Variants in LOC400499 observed in about 807,000 individuals in gnomAD.
At chr16:11,392,876 C>T in the LOC400499 span, 3 of 874,488 alleles carry the variant, frequency 3.4e-6, no homozygotes, top group African/African-American at 5.4e-5. Context: ...CTTTTTGAGA[C>T]AGAGTCTCGC....
chr16:11,433,190 C>G, the LOC400499 span, among the ~76,000 whole-genome samples: 1 of 152,206 alleles, frequency 6.6e-6, no homozygotes. Context: ...CCCATCTGGC[C>G]TTTTACTGAG....
At chr16:11,507,942 A>T in the LOC400499 span, among the ~76,000 whole-genome samples, 1 of 152,166 alleles carries the variant, frequency 6.6e-6, no homozygotes, top group African/African-American at 2.4e-5. Flanking sequence ...TAAAAAAAAA[A>T]TTGTAGAACA....
At chr16:11,476,655 C>T in the LOC400499 span, 1 of 341,184 alleles carries the variant, frequency 2.9e-6, no homozygotes, top group Non-Finnish European at 4.8e-6. Context: ...TGTGCACACG[C>T]AGACGTGATC....
chr16:11,446,468 G>T, the LOC400499 span: 1 of 1,313,196 alleles, frequency 7.6e-7, no homozygotes, highest in Non-Finnish European at 1.1e-6. Flanking sequence ...CAGATAACAT[G>T]TTTTCAATCC....
chr16:11,508,414 C>T, the LOC400499 span, among the ~76,000 whole-genome samples: 22 of 152,320 alleles, frequency 1.4e-4, no homozygotes, highest in East Asian at 3.9e-3. Flanking sequence ...GTTGCTAGGC[C>T]TGGGAGATTA....
chr16:11,472,429 G>A, the LOC400499 span: 14 of 152,092 alleles, frequency 9.2e-5, no homozygotes, highest in Non-Finnish European at 2.1e-4. Context: ...CTGACCTCAG[G>A]TGATCTGCCT....
At chr16:11,423,275 G>A in the LOC400499 span, 1 of 399,164 alleles carries the variant, frequency 2.5e-6, no homozygotes, top group East Asian at 3.6e-5. Flanking sequence ...ACCAGTGGGT[G>A]GGAAGGGGCT....
the LOC400499 span, among the ~76,000 whole-genome samples, chr16:11,436,458 C>T: frequency 2.6e-5 from 4 of 152,286 alleles, no homozygotes; most frequent in East Asian, 1.9e-4. Flanking sequence ...TCCAAGGCTC[C>T]ACCAGCTCCC....
At chr16:11,509,238 T>C in the LOC400499 span, among the ~76,000 whole-genome samples, 1 of 151,010 alleles carries the variant, frequency 6.6e-6, no homozygotes, top group Non-Finnish European at 1.5e-5. Context: ...CTGCCTCGGC[T>C]TCCTGAGTAG....
the LOC400499 span, chr16:11,385,161 G>A: frequency 8.1e-7 from 1 of 1,230,848 alleles, no homozygotes; most frequent in Non-Finnish European, 1.0e-6. Flanking sequence ...ATGGGCACAG[G>A]TCTCCAGGGG....
At chr16:11,467,339 G>C in the LOC400499 span, 1 of 151,674 alleles carries the variant, frequency 6.6e-6, no homozygotes. Flanking sequence ...ACTGGGAGTG[G>C]AGGCTCACGC....
the LOC400499 span, chr16:11,450,668 G>C: frequency 6.5e-7 from 1 of 1,536,144 alleles, no homozygotes; most frequent in Non-Finnish European, 8.7e-7. Context: ...TTGGGGCCCT[G>C]ACTCCTGCAG....
At chr16:11,456,359 T>C in the LOC400499 span, among the ~76,000 whole-genome samples, 1 of 152,028 alleles carries the variant, frequency 6.6e-6, no homozygotes, top group East Asian at 1.9e-4. Context: ...GTGGATTCAT[T>C]TTTTAAAAGT....
the LOC400499 span, among the ~76,000 whole-genome samples, chr16:11,394,619 T>C: frequency 6.6e-6 from 1 of 152,258 alleles, no homozygotes; most frequent in African/African-American, 2.4e-5. Context: ...ATAGGTTTTT[T>C]GCAAAAGTAA....
At chr16:11,516,421 T>A in the LOC400499 span, 1 of 397,672 alleles carries the variant, frequency 2.5e-6, no homozygotes, top group Non-Finnish European at 4.4e-6. Context: ...CATGGGAAGC[T>A]CCCAGGGAAC....
chr16:11,525,658 C>G, the LOC400499 span, among the ~76,000 whole-genome samples: 1 of 152,130 alleles, frequency 6.6e-6, no homozygotes, highest in Non-Finnish European at 1.5e-5. Flanking sequence ...CAGACAATCC[C>G]TACATCTGCT....
At chr16:11,440,325 G>A in the LOC400499 span, among the ~76,000 whole-genome samples, 2 of 152,170 alleles carry the variant, frequency 1.3e-5, no homozygotes, top group Non-Finnish European at 2.9e-5. Context: ...GCAGCTAGGT[G>A]GGATCATGTG....
the LOC400499 span, among the ~76,000 whole-genome samples, chr16:11,509,696 T>A: frequency 9.2e-5 from 14 of 151,818 alleles, no homozygotes; most frequent in Non-Finnish European, 1.9e-4. Flanking sequence ...CTGGGCGTGG[T>A]GGCAGGCGCC....
the LOC400499 span, chr16:11,423,264 G>T: frequency 2.5e-6 from 1 of 399,196 alleles, no homozygotes; most frequent in Non-Finnish European, 4.4e-6. Context: ...GACCTACAGA[G>T]ACCAGTGGGT....
Sources: allele counts gnomAD v4.1 joint callset (sites outside exome capture counted in the v4.1 genomes callset), GRCh38; gene constraint gnomAD v4.1.1; transcripts MANE v1.5.